RBM6: variants seen among roughly 807,000 people sequenced by gnomAD.
RBM6 encodes the protein RNA-binding protein 6.
In RBM6, 23 loss-of-function variants were observed where a neutral mutation model predicts 140.4. That is an observed-to-expected ratio of 0.16 (90% CI 0.12 to 0.23). The LOEUF is 0.23. RBM6 is among the 10% of genes least tolerant of loss of function. The probability of loss-of-function intolerance (pLI) is 1.00; values close to 1 mark genes in which losing one functional copy is unlikely to be tolerated. For synonymous variants in RBM6, 439 were observed against 475.6 expected (o/e 0.92, Z 1.00); for missense variants, 1,139 against 1,386.7 (o/e 0.82, Z 2.84).
chr3:50,072,877 A>G (rs927140878), intron 19 of RBM6, among the ~76,000 whole-genome samples: 3 of 152,124 alleles, frequency 2.0e-5, no homozygotes, highest in African/African-American at 7.2e-5. Context: ...ACCCTTCTTT[A>G]TTCTCAGCAC....
intron 6 of RBM6, among the ~76,000 whole-genome samples, chr3:50,004,905 A>C (rs998361102): frequency 6.6e-6 from 1 of 152,134 alleles, no homozygotes; most frequent in Non-Finnish European, 1.5e-5. Context: ...CTGGGATTAT[A>C]AGCATGAGCC....
At chr3:50,055,419 G>GA (rs540454960) in intron 8 of RBM6, among the ~76,000 whole-genome samples, 39 of 150,302 alleles carry the variant, frequency 2.6e-4, no homozygotes, top group East Asian at 2.3e-3. Flanking sequence ...AACAGAGTGA[G>GA]AAAAAAAAAA....
intron 5 of RBM6, among the ~76,000 whole-genome samples, chr3:49,984,703 G>A (rs2108683570): frequency 6.6e-6 from 1 of 151,536 alleles, no homozygotes; most frequent in Middle Eastern, 3.4e-3. Context: ...AAATTTTCAA[G>A]GCAGAAATCT....
At chr3:50,010,994 C>T (rs1254694264) in intron 6 of RBM6, among the ~76,000 whole-genome samples, 1 of 151,248 alleles carries the variant, frequency 6.6e-6, no homozygotes, top group Admixed American at 6.6e-5. Flanking sequence ...CATTTACCAC[C>T]CTCCACCCTA....
At chr3:49,984,437 A>T (rs1010066863) in intron 5 of RBM6, among the ~76,000 whole-genome samples, 1 of 152,182 alleles carries the variant, frequency 6.6e-6, no homozygotes, top group African/African-American at 2.4e-5. Context: ...CAAAACTCCC[A>T]TCTCTACTAA....
intron 6 of RBM6, among the ~76,000 whole-genome samples, chr3:50,023,632 G>A (rs1016023678): frequency 1.3e-5 from 2 of 149,612 alleles, no homozygotes; most frequent in Non-Finnish European, 3.0e-5. Context: ...GGCATTATAC[G>A]CTCACAAATA....
At chr3:50,037,710 G>T (rs1459996584) in intron 6 of RBM6, among the ~76,000 whole-genome samples, 2 of 151,938 alleles carry the variant, frequency 1.3e-5, no homozygotes, top group Non-Finnish European at 2.9e-5. Flanking sequence ...TGTTCCCTGA[G>T]CTGGTCTGGT....
At chr3:50,033,863 A>G (rs1383309341) in intron 6 of RBM6, among the ~76,000 whole-genome samples, 3 of 152,026 alleles carry the variant, frequency 2.0e-5, no homozygotes, top group African/African-American at 7.2e-5. Context: ...GATGGTCTCA[A>G]TCTCCCGACC....
intron 17 of RBM6, among the ~76,000 whole-genome samples, chr3:50,068,283 A>G (rs2108942127): frequency 1.3e-5 from 2 of 152,262 alleles, no homozygotes; most frequent in East Asian, 3.9e-4. Flanking sequence ...CAACTCTCAG[A>G]GCAGTCTCTT....
intron 5 of RBM6, among the ~76,000 whole-genome samples, chr3:49,985,534 G>A (rs2085512507): frequency 6.6e-6 from 1 of 152,114 alleles, no homozygotes; most frequent in South Asian, 2.1e-4. Flanking sequence ...CTAGATAGTG[G>A]TGATGGTTGC....
In RBM6 at chr3:49,973,916, G is replaced by GAGAC. The variant is rs1200797104; in HGVS notation, c.1414-1403_1414-1400dup. Among the ~76,000 whole-genome samples the GAGAC allele has an allele frequency of 1.9e-3, 276 of 148,310 alleles. 2 individuals carry two copies. Among genetic ancestry groups the GAGAC allele is most frequent in the African/African-American group, 6.6e-3 (264 of 40,210 alleles). On this transcript the variant is annotated intron_variant, in intron 4 of 20. Transcript: ENST00000266022. The stretch of plus-strand genomic sequence containing the variant: ...TTTGTTTGTTTGTTTGTTTGTTTTT[G>GAGAC]AGACAGAGTCTTGCTCTGTCACCCA...
intron 17 of RBM6, among the ~76,000 whole-genome samples, chr3:50,067,641 C>T (rs1056782998): frequency 3.9e-5 from 6 of 152,156 alleles, no homozygotes; most frequent in Admixed American, 2.6e-4. Context: ...GATGTTAAAC[C>T]GACATACATT....
chr3:49,940,784 A>T (rs571443195), intron 1 of RBM6: 106 of 151,150 alleles, frequency 7.0e-4, no homozygotes, highest in African/African-American at 2.5e-3. Context: ...AAGGAGAAGG[A>T]TGTTTTATCG....
At chr3:50,011,221 TA>T (rs879356799) in intron 6 of RBM6, among the ~76,000 whole-genome samples, 125 of 143,758 alleles carry the variant, frequency 8.7e-4, no homozygotes, top group Admixed American at 7.7e-4. Context: ...CCTTGTCTCT[TA>T]AAAAAAAAAA....
intron 2 of RBM6, among the ~76,000 whole-genome samples, chr3:49,965,975 A>C (rs1357921220): frequency 6.6e-6 from 1 of 151,872 alleles, no homozygotes; most frequent in Admixed American, 6.6e-5. Flanking sequence ...AAAATAAAAA[A>C]ATTAGCTGGG....
intron 1 of RBM6, among the ~76,000 whole-genome samples, chr3:49,949,315 A>T (rs991236748): frequency 2.0e-5 from 3 of 151,136 alleles, no homozygotes; most frequent in African/African-American, 7.3e-5. Flanking sequence ...TTACTTTATC[A>T]AAGAAAACAC....
Position 49,957,094 on chromosome 3 carries a change from C to T in RBM6, c.-66-5482C>T, listed in dbSNP as rs571392243. ...GATTCCTGGACTCAAGCAATCCTCC[C>T]GCTTCATTCTTTGCAAGTAACTGGA... On this transcript the variant is annotated intron_variant, in intron 1 of 20. Transcript: ENST00000266022. Among the ~76,000 whole-genome samples, 5 of 152,188 alleles carry T rather than the reference C, an allele frequency of 3.3e-5. No individual in the cohort carries two copies. In the East Asian group the frequency reaches 5.8e-4, roughly 18 times the overall value.
chr3:49,999,301 C>T, intron 5 of RBM6, 139 bp from the exon 6 acceptor site: 1 of 675,248 alleles, frequency 1.5e-6, no homozygotes, highest in South Asian at 1.9e-5. Flanking sequence ...GGGGTAGCAA[C>T]TTTACCTAGT....
chr3:50,036,102 G>A (rs892879009), intron 6 of RBM6, among the ~76,000 whole-genome samples: 4 of 151,846 alleles, frequency 2.6e-5, no homozygotes, highest in African/African-American at 9.7e-5. Flanking sequence ...CACTATATTG[G>A]CCAGGCTGTT....
Sources: allele counts gnomAD v4.1 joint callset (sites outside exome capture counted in the v4.1 genomes callset), GRCh38; gene constraint gnomAD v4.1.1; transcripts MANE v1.5; gene names NCBI Gene and HGNC (gene_info 2026-07-23, HGNC 2026-07-21).